The following EEPD1 variants were observed in gnomAD, a reference collection of about 807,000 sequenced individuals.
The protein encoded by EEPD1 is endonuclease/exonuclease/phosphatase family domain-containing protein 1.
Under a neutral mutation model 46.3 loss-of-function variants are expected in EEPD1, and 17 were observed. The ratio of observed to expected loss-of-function variants is 0.37; its 90% confidence interval spans 0.25 to 0.55. The LOEUF is 0.55. EEPD1 is among the 20% of genes least tolerant of loss of function. The probability of loss-of-function intolerance (pLI) is 0.83; values close to 1 mark genes in which losing one functional copy is unlikely to be tolerated. For missense variants in EEPD1, 673 were observed against 745.6 expected (o/e 0.90, Z 1.13); for synonymous variants, 313 against 315.6 (o/e 0.99, Z 0.09).
chr7:36,178,475 C>T (rs1401841259), intron 2 of EEPD1, among the ~76,000 whole-genome samples: 5 of 152,254 alleles, frequency 3.3e-5, no homozygotes, highest in Admixed American at 3.3e-4. Flanking sequence ...ATGATTCCTC[C>T]AGCTGTCTCT....
At chr7:36,158,270 G>A (rs1784854264) in intron 2 of EEPD1, among the ~76,000 whole-genome samples, 1 of 152,202 alleles carries the variant, frequency 6.6e-6, no homozygotes, top group African/African-American at 2.4e-5. Context: ...TGTTTTGTAA[G>A]CACGACACCT....
intron 3 of EEPD1, among the ~76,000 whole-genome samples, chr7:36,252,948 A>G (rs1164909430): frequency 7.1e-6 from 1 of 140,254 alleles, no homozygotes; most frequent in South Asian, 2.2e-4. Flanking sequence ...TTATTTTCCT[A>G]TCCTCTATTT....
At chr7:36,233,890 T>G (rs1040870357) in intron 2 of EEPD1, among the ~76,000 whole-genome samples, 1 of 152,128 alleles carries the variant, frequency 6.6e-6, no homozygotes, top group African/African-American at 2.4e-5. Flanking sequence ...GTTGTTTGTT[T>G]TGTTTTTTGG....
At chr7:36,298,919 C>T (rs1787570107) in intron 7 of EEPD1, 88 bp from the exon 8 acceptor site, 5 of 1,472,124 alleles carry the variant, frequency 3.4e-6, no homozygotes, top group Admixed American at 1.8e-5. Context: ...TGCAGACATG[C>T]GGTGTGACCC....
In EEPD1 at chr7:36,252,868, T is replaced by C. The variant is rs1562702874; in HGVS notation, c.930+13832T>C. 2.3e-5 allele frequency among the ~76,000 whole-genome samples: 3 copies of C among 130,056 alleles called. 1 individual carries two copies. Among genetic ancestry groups the C allele is most frequent in the South Asian group, 5.4e-4 (2 of 3,718 alleles). 85.3% of individuals were successfully genotyped at this position (130,056 alleles called of 152,430 possible). On this transcript the variant is annotated intron_variant, in intron 3 of 7. Transcript: ENST00000242108. ...TTTTTTTTTTTTTTTTTGATCAGTC[T>C]AGGTAAAGGTTTCTCAGTTTTTGCT...
intron 2 of EEPD1, among the ~76,000 whole-genome samples, chr7:36,227,039 A>C (rs1038983935): frequency 6.6e-5 from 10 of 152,164 alleles, no homozygotes; most frequent in Non-Finnish European, 1.2e-4. Flanking sequence ...AATTTTCAAA[A>C]TGAGAAAAAA....
intron 2 of EEPD1, among the ~76,000 whole-genome samples, chr7:36,201,837 G>A (rs964315885): frequency 6.6e-6 from 1 of 152,176 alleles, no homozygotes; most frequent in Non-Finnish European, 1.5e-5. Flanking sequence ...GTTTCTTGCT[G>A]GATGGAGCCT....
intron 3 of EEPD1, among the ~76,000 whole-genome samples, chr7:36,262,173 G>T (rs196566): frequency 0.71 from 108,213 of 152,038 alleles, 38,820 homozygotes; most frequent in Non-Finnish European, 0.76. Flanking sequence ...AAATGCAGAC[G>T]CATTTTTACA....
At chr7:36,277,523 G>A (rs1167220231) in intron 3 of EEPD1, among the ~76,000 whole-genome samples, 1 of 152,188 alleles carries the variant, frequency 6.6e-6, no homozygotes, top group African/African-American at 2.4e-5. Flanking sequence ...CTGTGAGTTT[G>A]CATTTCTGGC....
rs1050888271 is a variant in EEPD1, at chr7:36,259,232, T to G, written c.930+20196T>G. Among the ~76,000 whole-genome samples the G allele has an allele frequency of 1.3e-5, 2 of 152,192 alleles. 1 individual carries two copies. The highest frequency in any genetic ancestry group is 3.9e-4 in the East Asian group (2 of 5,192). On this transcript the variant is annotated intron_variant, in intron 3 of 7. Transcript: ENST00000242108. ...GGTACCTCAGTTGGAAATGCAGAAA[T>G]CACTCACTTTCTCCATTGATCTTGC...
chr7:36,286,962 C>A lies in EEPD1; in HGVS notation c.1177-677C>A, dbSNP rs113929363. On this transcript the variant is annotated intron_variant, in intron 5 of 7. Transcript: ENST00000242108. ...GTTGTGGCCGGGTACGTAGCTCATG[C>A]CTATAATCCCAGAACTTTGGGAGGC... Among the ~76,000 whole-genome samples the A allele has an allele frequency of 5.1e-3, 778 of 152,232 alleles. 4 individuals are homozygous for A. Among genetic ancestry groups the A allele is most frequent in the African/African-American group, 0.018 (748 of 41,538 alleles).
intron 2 of EEPD1, among the ~76,000 whole-genome samples, chr7:36,223,426 C>T (rs1395409484): frequency 1.3e-5 from 2 of 152,106 alleles, no homozygotes; most frequent in Non-Finnish European, 2.9e-5. Context: ...TCTGCATCCC[C>T]CACCCCTAGA....
intron 2 of EEPD1, among the ~76,000 whole-genome samples, chr7:36,213,965 G>A (rs960059010): frequency 6.6e-6 from 1 of 152,290 alleles, no homozygotes. Flanking sequence ...GATGGATAAG[G>A]GGGGATCCAT....
chr7:36,174,950 A>C (rs6960511), intron 2 of EEPD1, among the ~76,000 whole-genome samples: 6,816 of 152,266 alleles, frequency 0.045, 480 homozygotes, highest in African/African-American at 0.16. Flanking sequence ...GCTCAGAGAG[A>C]CTCCAGCACA....
intron 2 of EEPD1, among the ~76,000 whole-genome samples, chr7:36,164,007 G>C (rs1376823308): frequency 6.6e-6 from 1 of 152,088 alleles, no homozygotes; most frequent in African/African-American, 2.4e-5. Flanking sequence ...GGGTTCCCTA[G>C]GTTATGATTT....
In EEPD1 at chr7:36,299,828, CTG is replaced by C. The variant is rs1787589864; in HGVS notation, c.*627_*628del. On this transcript the variant is annotated 3_prime_UTR_variant, in exon 8 of 8. Coordinates refer to ENST00000242108, the MANE Select transcript of EEPD1 (RefSeq NM_030636.3). ...TGTATTTGCACCACGGCAGGTGCCTCTGTGTGGAGCTAGGGTCAAGCCCTGAG... is the reference window on the plus strand; with the variant it reads ...TGTATTTGCACCACGGCAGGTGCCTCTGTGGAGCTAGGGTCAAGCCCTGAG... The C allele has an allele frequency of 6.8e-6, 1 of 146,378 alleles. No homozygotes were observed. The highest frequency in any genetic ancestry group is 2.3e-4 in the South Asian group (1 of 4,370). 9.1% of individuals were successfully genotyped at this position (146,378 alleles called of 1,614,324 possible).
Position 36,267,018 on chromosome 7 carries a change from A to G in EEPD1, c.931-14097A>G, listed in dbSNP as rs1224279624. ...TTTCCATCTTCGAGCTACTGGGAGT[A>G]GTGCTCCTGTGAACATTCATGTACA... On this transcript the variant is annotated intron_variant, in intron 3 of 7. Coordinates refer to ENST00000242108, the MANE Select transcript of EEPD1 (RefSeq NM_030636.3). 2.0e-5 allele frequency among the ~76,000 whole-genome samples: 3 copies of G among 152,158 alleles called. No individual in the cohort carries two copies. The East Asian group carries it at 5.8e-4, about 29-fold the overall frequency.
At chr7:36,249,781 G>T (rs548014658) in intron 3 of EEPD1, among the ~76,000 whole-genome samples, 2 of 152,186 alleles carry the variant, frequency 1.3e-5, no homozygotes, top group South Asian at 2.1e-4. Flanking sequence ...TTTCCCTTTC[G>T]TATCTCCTGT....
chr7:36,159,583 C>T (rs1185612627), intron 2 of EEPD1, among the ~76,000 whole-genome samples: 3 of 152,198 alleles, frequency 2.0e-5, no homozygotes, highest in Non-Finnish European at 2.9e-5. Context: ...CCAGATTAGG[C>T]GTGTCTTTTC....
Sources: allele counts gnomAD v4.1 joint callset (sites outside exome capture counted in the v4.1 genomes callset), GRCh38; gene constraint gnomAD v4.1.1; transcripts MANE v1.5; gene names NCBI Gene and HGNC (gene_info 2026-07-23, HGNC 2026-07-21).